The following CCDC86 variants were observed in gnomAD, a reference collection of about 807,000 sequenced individuals.
CCDC86 encodes coiled-coil domain containing 86.
In CCDC86, 28 loss-of-function variants were observed where a neutral mutation model predicts 36.7. The observed-to-expected ratio is 0.76, with a 90% CI of 0.57 to 1.05. CCDC86 has a LOEUF of 1.05. CCDC86 is among the 50% of genes least tolerant of loss of function. The probability of loss-of-function intolerance (pLI) is 0.00; values close to 1 mark genes in which losing one functional copy is unlikely to be tolerated. For missense variants in CCDC86, 453 were observed against 470.2 expected, an observed-to-expected ratio of 0.96 and a Z score of 0.34; for synonymous variants, 199 against 203.4, an observed-to-expected ratio of 0.98 and a Z score of 0.18.
chr11:60,845,938 C>T (rs1855178302), intron 1 of CCDC86, among the ~76,000 whole-genome samples: 1 of 152,188 alleles, frequency 6.6e-6, no homozygotes, highest in Non-Finnish European at 1.5e-5. Context: ...AGCCGCCAGC[C>T]ACATGTGGCT....
At chr11:60,844,659 G>A (rs1224455093) in intron 1 of CCDC86, among the ~76,000 whole-genome samples, 1 of 152,156 alleles carries the variant, frequency 6.6e-6, no homozygotes, top group Admixed American at 6.5e-5. Flanking sequence ...CTTCTCTTTT[G>A]TAACACCTCC....
At chr11:60,846,059 T>C (rs993692843) in intron 1 of CCDC86, among the ~76,000 whole-genome samples, 4 of 152,236 alleles carry the variant, frequency 2.6e-5, no homozygotes, top group Admixed American at 6.5e-5. Context: ...GGCTACCTTA[T>C]TGGACAGTGT....
intron 1 of CCDC86, among the ~76,000 whole-genome samples, chr11:60,844,010 C>T (rs1855154971): frequency 6.6e-6 from 1 of 152,202 alleles, no homozygotes; most frequent in South Asian, 2.1e-4. Flanking sequence ...ATGGCACTAC[C>T]CCTCTGCCCT....
At chr11:60,842,936 C>T in intron 1 of CCDC86, 54 bp downstream of exon 1, 2 of 1,511,826 alleles carry the variant, frequency 1.3e-6, no homozygotes, top group Admixed American at 2.3e-5. Flanking sequence ...TGTTGGGACC[C>T]CGCCTTTGCC....
intron 2 of CCDC86, among the ~76,000 whole-genome samples, chr11:60,848,275 CT>C (rs34678783): frequency 0.26 from 38,895 of 152,044 alleles, 6,247 homozygotes; most frequent in East Asian, 0.74. Flanking sequence ...ACAGTTTAGC[CT>C]GGGCTGCTGA....
Position 60,842,397 on chromosome 11 carries a change from C to G in CCDC86, c.273C>G (p.Ser91=). The stretch of plus-strand genomic sequence containing the variant: ...GGCAGCCAGAGCCAGGCGCAGCGTC[C>G]CCCCAGCGTCAGCAAGACCTACACC... ...PQGQPEPGAA[S]PQRQQDLHLE... is the part of the protein sequence containing the mutation. Residue 91 remains serine (S), a synonymous_variant, in exon 1 of 4, where the codon TCC becomes TCG. Transcript: ENST00000227520. 1.2e-6 allele frequency: 2 copies of G among 1,613,204 alleles called. No homozygotes were observed. The highest frequency in any genetic ancestry group is 1.7e-6 in the Non-Finnish European group (2 of 1,179,760).
chr11:60,843,682 G>GGAA (rs1855151672), intron 1 of CCDC86, among the ~76,000 whole-genome samples: 2 of 152,324 alleles, frequency 1.3e-5, no homozygotes, highest in East Asian at 3.9e-4. Context: ...ATCTGAAGAA[G>GGAA]GAAGAGTGTA....
chr11:60,850,319 G>C lies in CCDC86; in HGVS notation c.1077G>C (p.Lys359Asn). The C allele has an allele frequency of 6.2e-7, 1 of 1,614,106 alleles. No individual in the cohort carries two copies. Among genetic ancestry groups the C allele is most frequent in the Non-Finnish European group, 8.5e-7 (1 of 1,179,982 alleles). Residue 359 changes from lysine (K) to asparagine (N), a missense_variant, in exon 4 of 4, where the codon AAG becomes AAC. Coordinates refer to ENST00000227520, the MANE Select transcript of CCDC86 (RefSeq NM_024098.4). ...QKQPPQQPAA[K>N]I ...AGCCGCCCCAGCAGCCGGCAGCCAA[G>C]ATCTGAGCTCAGGACGGCCCGAGGC...
Position 60,842,567 on chromosome 11 carries a change from G to T in CCDC86, c.443G>T (p.Gly148Val). The change falls in exon 1 of 4, where the codon GGG (glycine) becomes GTG (valine). Residue 148 changes from glycine (G) to valine (V), a missense_variant. Transcript: ENST00000227520. ...CAGAATAAGGAGGAGCTGACCCCGG[G>T]GGCCCCCCAGCATCAGCTACCGCCG... is the stretch of plus-strand genomic sequence containing the variant. The part of the protein sequence containing the change: ...LAQNKEELTP[G>V]APQHQLPPVP... The T allele has an allele frequency of 6.2e-7, 1 of 1,613,118 alleles. No homozygotes were observed. Among genetic ancestry groups the T allele is most frequent in the African/African-American group, 1.3e-5 (1 of 75,002 alleles).
In CCDC86 at chr11:60,850,418, T is replaced by C; in HGVS notation, c.*93T>C. On this transcript the variant is annotated 3_prime_UTR_variant, in exon 4 of 4. Coordinates refer to ENST00000227520, the MANE Select transcript of CCDC86 (RefSeq NM_024098.4). ...CAGATGCCTCTGCTGGAGCTGGCAC[T>C]CCAAACCCATGGCTCCAGAACAGGG... 1 of 1,483,202 alleles carries C rather than the reference T, an allele frequency of 6.7e-7. No individual in the cohort carries two copies. Among genetic ancestry groups the C allele is most frequent in the East Asian group, 2.4e-5 (1 of 41,854 alleles). 91.9% of individuals were successfully genotyped at this position (1,483,202 alleles called of 1,614,324 possible). A position where few individuals can be genotyped will look rare whatever the true frequency, so the allele number is the denominator to read the frequency against.
At chr11:60,847,082 CTTTTTTCTTTTTTT>C (rs1159331683) in intron 1 of CCDC86, among the ~76,000 whole-genome samples, 1 of 151,130 alleles carries the variant, frequency 6.6e-6, no homozygotes, top group East Asian at 1.9e-4. Context: ...TTTCTTTTTT[CTTTTTTCTTTTTTT>C]TTTTTGAGAC....
Position 60,842,416 on chromosome 11 carries a change from C to T in CCDC86, c.292C>T (p.Leu98=). The T allele has an allele frequency of 6.2e-7, 1 of 1,614,032 alleles. No individual in the cohort carries two copies. The highest frequency in any genetic ancestry group is 2.2e-5 in the East Asian group (1 of 44,874). The change falls in exon 1 of 4, where the codon CTA becomes TTA. Residue 98 remains leucine (L), a synonymous_variant. Coordinates refer to ENST00000227520, the MANE Select transcript of CCDC86 (RefSeq NM_024098.4). ...GAASPQRQQD[L]HLESPQRQPE... ...AGCGTCCCCCCAGCGTCAGCAAGAC[C>T]TACACCTGGAGTCGCCTCAAAGACA...
At chr11:60,843,405 G>A (rs1855148464) in intron 1 of CCDC86, among the ~76,000 whole-genome samples, 1 of 152,202 alleles carries the variant, frequency 6.6e-6, no homozygotes, top group Non-Finnish European at 1.5e-5. Flanking sequence ...TAATCTGCAC[G>A]TCAGCCCTGT....
In CCDC86 at chr11:60,849,956, G is replaced by A. The variant is rs371756287; in HGVS notation, c.905G>A (p.Arg302Gln). Residue 302 changes from arginine (R) to glutamine (Q), a missense_variant, in exon 3 of 4, where the codon CGG (arginine) becomes CAG (glutamine). Physicochemically the swap from Arg to Gln is conservative, Grantham distance 43. Transcript: ENST00000227520. ...ATGTTCCAGGAGAAGAAACAGCGCC[G>A]GGCTGAGAACCTGAAACGCCGCCTG... is the stretch of plus-strand genomic sequence containing the variant. ...ERRRQEKKQRRAENLKRRLEN... is the reference protein window; with the variant it reads ...ERRRQEKKQRQAENLKRRLEN... 29 of 1,613,942 alleles carry A rather than the reference G, an allele frequency of 1.8e-5. No homozygotes were observed. Among genetic ancestry groups the A allele is most frequent in the Middle Eastern group, 1.6e-4 (1 of 6,084 alleles).
chr11:60,846,238 A>G (rs1466018546), intron 1 of CCDC86, among the ~76,000 whole-genome samples: 1 of 152,156 alleles, frequency 6.6e-6, no homozygotes, highest in African/African-American at 2.4e-5. Flanking sequence ...TTATGGGGGA[A>G]GTCCATGTGG....
rs553418864 is a variant in CCDC86 at position 60,847,069 on chromosome 11, C to CTTTTTCT, written c.759-835_759-829dup. Among the ~76,000 whole-genome samples, 486 of 151,604 alleles carry CTTTTTCT rather than the reference C, an allele frequency of 3.2e-3. 4 individuals carry two copies. Among genetic ancestry groups the CTTTTTCT allele is most frequent in the African/African-American group, 0.01 (421 of 41,272 alleles). On this transcript the variant is annotated intron_variant, in intron 1 of 3. Transcript: ENST00000227520. ...TCATCTCCAACTGGGGGAAGAGATTCTTTTTCTTTTTTCTTTTTTCTTTTT... is the reference window on the plus strand; with the variant it reads ...TCATCTCCAACTGGGGGAAGAGATTCTTTTTCTTTTTTCTTTTTTCTTTTTTCTTTTT...
chr11:60,849,872 T>C, intron 2 of CCDC86, 68 bp from the exon 3 acceptor site: 1 of 1,363,884 alleles, frequency 7.3e-7, no homozygotes, highest in Non-Finnish European at 1.0e-6. Flanking sequence ...CTCGCACTCT[T>C]CTGGGGCCTG....
intron 2 of CCDC86, 37 bp from the exon 3 acceptor site, chr11:60,849,903 C>T (rs938374366): frequency 6.3e-7 from 1 of 1,585,020 alleles, no homozygotes; most frequent in Non-Finnish European, 8.6e-7. Context: ...GCTGCCTCTG[C>T]TCCCCGACTC....
In CCDC86 at chr11:60,850,193, A is replaced by T; in HGVS notation, c.964-13A>T. On this transcript the variant is annotated splice_polypyrimidine_tract_variant and intron_variant, in intron 3 of 3. Coordinates refer to ENST00000227520, the MANE Select transcript of CCDC86 (RefSeq NM_024098.4). ...GCAGCTGCACTAATGTCCTCCCCTC[A>T]TACCACCCCCAGATCCGAAACCCCG... 6.2e-7 allele frequency: 1 copy of T among 1,613,998 alleles called. No homozygotes were observed. The highest frequency in any genetic ancestry group is 8.5e-7 in the Non-Finnish European group (1 of 1,179,956).
Sources: gnomAD v4.1 joint callset for allele counts (sites outside exome capture counted in the v4.1 genomes callset) on GRCh38, gnomAD v4.1.1 for gene constraint, MANE v1.5 for transcripts, NCBI Gene and HGNC (gene_info 2026-07-23, HGNC 2026-07-21) for gene names.